The following TENM4 variants were observed in gnomAD, a reference collection of about 807,000 sequenced individuals.
TENM4 encodes the protein teneurin-4.
Under a neutral mutation model 243.3 loss-of-function variants are expected in TENM4, and 82 were observed. That is an observed-to-expected ratio of 0.34 (90% CI 0.28 to 0.40). The LOEUF (loss-of-function observed/expected upper bound fraction) is 0.40. Ranked by LOEUF, TENM4 falls within the 10% of genes least tolerant of loss-of-function variation. The probability of loss-of-function intolerance (pLI) is 1.00; values close to 1 mark genes in which losing one functional copy is unlikely to be tolerated. For synonymous variants in TENM4, 1,412 were observed against 1,456.3 expected, an observed-to-expected ratio of 0.97 and a Z score of 0.69; for missense variants, 3,138 against 3,673.3, an observed-to-expected ratio of 0.85 and a Z score of 3.77.
In TENM4 at chr11:79,354,806, C is replaced by CA. The variant is rs746537420; in HGVS notation, c.-320-57264dup. On this transcript the variant is annotated intron_variant, in intron 1 of 33. Transcript: ENST00000278550. The stretch of plus-strand genomic sequence containing the variant: ...AAAGAAGCCCCAAAACAATAACAAA[C>CA]AAACAAAAAAAGAATTTGAAGTCTG... Among the ~76,000 whole-genome samples the CA allele has an allele frequency of 1.8e-3, 271 of 148,898 alleles. 2 individuals carry two copies. Among genetic ancestry groups the CA allele is most frequent in the African/African-American group, 5.2e-3 (211 of 40,898 alleles).
At chr11:79,177,099 G>A (rs1378480689) in intron 3 of TENM4, among the ~76,000 whole-genome samples, 1 of 151,818 alleles carries the variant, frequency 6.6e-6, no homozygotes, top group Admixed American at 6.6e-5. Context: ...GGTGACCCGT[G>A]GCCTAGAACA....
chr11:79,191,877 GC>G, intron 3 of TENM4: 2 of 175,216 alleles, frequency 1.1e-5, no homozygotes, highest in South Asian at 2.3e-4. Flanking sequence ...GAAGTGAGGA[GC>G]CCCTCCGCCT....
intron 1 of TENM4, among the ~76,000 whole-genome samples, chr11:79,373,720 A>G (rs1263799852): frequency 6.6e-6 from 1 of 152,220 alleles, no homozygotes; most frequent in Admixed American, 6.5e-5. Context: ...AAGGTAACAT[A>G]TGGTGAGGTA....
rs1195232361 is a variant in TENM4, at chr11:79,137,055, C to G, written c.-66+11655G>C. Among the ~76,000 whole-genome samples, 3 of 152,120 alleles carry G rather than the reference C, an allele frequency of 2.0e-5. No homozygotes were observed. The East Asian group carries it at 5.8e-4, about 29-fold the overall frequency. ...AGGAATCAGGGGGTGGAAGTGGCAC[C>G]ACTCACCATTACCCCTGGTGATCCA... is the stretch of plus-strand genomic sequence containing the variant. On this transcript the variant is annotated intron_variant, in intron 4 of 33. Transcript: ENST00000278550.
rs773376802 is a variant in TENM4 at position 78,877,102 on chromosome 11, G to A, written c.1084+12683C>T. 5.9e-5 allele frequency among the ~76,000 whole-genome samples: 9 copies of A among 152,166 alleles called. No individual in the cohort carries two copies. The South Asian group carries it at 6.2e-4, about 11-fold the overall frequency. On this transcript the variant is annotated intron_variant, in intron 9 of 33. Coordinates refer to ENST00000278550, the MANE Select transcript of TENM4 (RefSeq NM_001098816.3). ...TGGGTTTGGAATGCAGGTCTTACTC[G>A]GCCCAGTCTGTGCTTTTGCTCTGAG... is the stretch of plus-strand genomic sequence containing the variant.
At chr11:79,418,443 T>C (rs1252286775) in intron 1 of TENM4, among the ~76,000 whole-genome samples, 2 of 152,242 alleles carry the variant, frequency 1.3e-5, no homozygotes, top group Non-Finnish European at 2.9e-5. Flanking sequence ...CTTGTATCTG[T>C]TGAGTCATAG....
At chr11:79,070,032 T>C in intron 4 of TENM4, 23 bp from the exon 5 acceptor site, 1 of 1,483,436 alleles carries the variant, frequency 6.7e-7, no homozygotes, top group Non-Finnish European at 8.9e-7. Flanking sequence ...AAACCAAAGA[T>C]AGGGCGTGAG....
At chr11:79,095,030 A>T (rs1315865013) in intron 4 of TENM4, among the ~76,000 whole-genome samples, 1 of 151,720 alleles carries the variant, frequency 6.6e-6, no homozygotes, top group African/African-American at 2.4e-5. Flanking sequence ...CTGGCAGGAG[A>T]TGTGTCCATG....
chr11:79,146,135 A>G (rs1391329620), intron 4 of TENM4, among the ~76,000 whole-genome samples: 1 of 152,054 alleles, frequency 6.6e-6, no homozygotes, highest in African/African-American at 2.4e-5. Context: ...TGAGCCACCA[A>G]ATTAATTTCA....
chr11:78,977,469 G>T (rs1393074053), intron 6 of TENM4, among the ~76,000 whole-genome samples: 1 of 152,220 alleles, frequency 6.6e-6, no homozygotes, highest in Non-Finnish European at 1.5e-5. Flanking sequence ...GAGCCCAAGT[G>T]ATTTGCTCAG....
Position 78,669,898 on chromosome 11 carries a change from G to T in TENM4, c.6447C>A (p.Gly2149=). ...MTHTKHFDAY[G]RMKEVQYEIF... Reference sequence around the variant, plus strand: ...TCTCATACTGCACTTCCTTCATCCTGCCATATGCATCAAAATGCTTGGTGT... The same window carrying T: ...TCTCATACTGCACTTCCTTCATCCTTCCATATGCATCAAAATGCTTGGTGT... The change falls in exon 32 of 34, where the codon GGC becomes GGA. Residue 2149 remains glycine (G), a synonymous_variant. Transcript: ENST00000278550. This position sits in a 1 kb window ranked among gnomAD's most constrained non-coding sequence, Gnocchi z 6.4. 1 of 1,613,766 alleles carries T rather than the reference G, an allele frequency of 6.2e-7. No individual in the cohort carries two copies. Among genetic ancestry groups the T allele is most frequent in the Non-Finnish European group, 8.5e-7 (1 of 1,179,842 alleles).
intron 2 of TENM4, among the ~76,000 whole-genome samples, chr11:79,235,492 C>G (rs979271967): frequency 8.6e-5 from 13 of 152,010 alleles, no homozygotes; most frequent in Admixed American, 5.2e-4. Flanking sequence ...AGATAGGGAC[C>G]CTAGGACCTC....
chr11:78,768,817 C>T (rs1856592097), intron 18 of TENM4, among the ~76,000 whole-genome samples: 2 of 152,188 alleles, frequency 1.3e-5, no homozygotes, highest in Non-Finnish European at 1.5e-5. Flanking sequence ...CTCTCTCTCC[C>T]CCCGAGCTGT....
chr11:79,060,714 G>A (rs1204845960), intron 6 of TENM4, among the ~76,000 whole-genome samples: 1 of 152,192 alleles, frequency 6.6e-6, no homozygotes, highest in Admixed American at 6.5e-5. Context: ...TGACTCGCAG[G>A]CTATTGTGTC....
In TENM4 at chr11:79,190,809, C is replaced by G. The variant is rs1462558760; in HGVS notation, c.-163+24999G>C. On this transcript the variant is annotated intron_variant, in intron 3 of 33. Transcript: ENST00000278550. ...CGTCTCCCTCTCCCTCTCCCTCTCC[C>G]GTCTCCCTCTCCCTCTCCCTTCTCC... is the stretch of plus-strand genomic sequence containing the variant. Among the ~76,000 whole-genome samples the G allele has an allele frequency of 7.9e-5, 9 of 114,266 alleles. No individual in the cohort carries two copies. The South Asian group carries it at 3.1e-3, about 39-fold the overall frequency. 75.0% of individuals were successfully genotyped at this position (114,266 alleles called of 152,430 possible).
intron 6 of TENM4, among the ~76,000 whole-genome samples, chr11:78,983,028 C>G (rs962459532): frequency 6.6e-6 from 1 of 152,166 alleles, no homozygotes; most frequent in African/African-American, 2.4e-5. Flanking sequence ...TGGCCTCTGG[C>G]CTTTGCTTGA....
chr11:78,939,530 A>G (rs1856847837), intron 6 of TENM4, among the ~76,000 whole-genome samples: 1 of 152,146 alleles, frequency 6.6e-6, no homozygotes, highest in African/African-American at 2.4e-5. Flanking sequence ...CACTTGGAGA[A>G]CTCACATTTA....
chr11:79,112,975 G>A (rs1472751398), intron 4 of TENM4, among the ~76,000 whole-genome samples: 1 of 152,138 alleles, frequency 6.6e-6, no homozygotes, highest in African/African-American at 2.4e-5. Flanking sequence ...CTTGTCCTAG[G>A]AGGAAGAGAC....
chr11:79,081,876 A>T (rs1397596114), intron 4 of TENM4, among the ~76,000 whole-genome samples: 2 of 152,184 alleles, frequency 1.3e-5, no homozygotes, highest in Admixed American at 6.5e-5. Context: ...TGAAGCCCAC[A>T]CAATAGCGGT....
Sources: allele counts gnomAD v4.1 joint callset (sites outside exome capture counted in the v4.1 genomes callset), GRCh38; gene constraint gnomAD v4.1.1; non-coding constraint Gnocchi (gnomAD v3.1); transcripts MANE v1.5; gene names NCBI Gene and HGNC (gene_info 2026-07-23, HGNC 2026-07-21).